The following ITGB1 variants were observed in gnomAD, a reference collection of about 807,000 sequenced individuals.
The protein encoded by ITGB1 is integrin beta-1.
Under a neutral mutation model 86.5 loss-of-function variants are expected in ITGB1, and 24 were observed. The observed-to-expected ratio is 0.28, with a 90% CI of 0.20 to 0.39. The LOEUF is 0.39. Ranked by LOEUF, ITGB1 falls within the 10% of genes least tolerant of loss-of-function variation. The pLI, the probability that ITGB1 is intolerant of heterozygous loss-of-function variation, is 1.00. For synonymous variants in ITGB1, 323 were observed against 316.8 expected (o/e 1.02, Z -0.21); for missense variants, 556 against 946.9 (o/e 0.59, Z 5.42).
At chr10:32,919,629 T>C (rs1220663287) in intron 11 of ITGB1, among the ~76,000 whole-genome samples, 3 of 152,302 alleles carry the variant, frequency 2.0e-5, no homozygotes, top group Admixed American at 6.5e-5. Flanking sequence ...CCTTAACAAT[T>C]TGTTGAATAT....
Position 32,922,631 on chromosome 10 carries a change from C to A in ITGB1, c.1038+9G>T, listed in dbSNP as rs759811597. The A allele has an allele frequency of 1.4e-6, 2 of 1,469,428 alleles. No individual in the cohort carries two copies. The highest frequency in any genetic ancestry group is 2.4e-5 in the South Asian group (2 of 84,672). 91.0% of individuals were successfully genotyped at this position (1,469,428 alleles called of 1,614,324 possible). ...TTAGAATCTTGTTCTTTTTATCTCA[C>A]ACATTTACCTTGTAAACAGGCTGAA... On this transcript the variant is annotated intron_variant, in intron 8 of 15. Transcript: ENST00000302278.
intron 3 of ITGB1, 128 bp from the exon 4 acceptor site, chr10:32,930,172 T>C: frequency 1.6e-6 from 1 of 618,924 alleles, no homozygotes; most frequent in Non-Finnish European, 2.9e-6. Context: ...AATTCTGGCT[T>C]TTAAACAAAA....
intron 1 of ITGB1, chr10:32,957,673 G>A (rs569761998): frequency 3.3e-5 from 5 of 152,356 alleles, no homozygotes; most frequent in South Asian, 2.1e-4. Flanking sequence ...CAGCTCGCGA[G>A]GGAGCGAGAG....
chr10:32,938,944 G>T (rs372891837), intron 1 of ITGB1, among the ~76,000 whole-genome samples: 1 of 152,154 alleles, frequency 6.6e-6, no homozygotes, highest in Non-Finnish European at 1.5e-5. Context: ...GAGGGCCAGG[G>T]AGCCTCGCTT....
At chr10:32,933,188 G>T (rs2094989717) in intron 2 of ITGB1, among the ~76,000 whole-genome samples, 1 of 151,912 alleles carries the variant, frequency 6.6e-6, no homozygotes, top group Non-Finnish European at 1.5e-5. Context: ...GGATCACCTT[G>T]ACACTGAAAG....
chr10:32,953,433 T>C (rs1413613792), intron 1 of ITGB1, among the ~76,000 whole-genome samples: 1 of 152,140 alleles, frequency 6.6e-6, no homozygotes, highest in Non-Finnish European at 1.5e-5. Flanking sequence ...AAATGTAATG[T>C]ACAGCCAAGC....
intron 14 of ITGB1, 111 bp downstream of exon 14, chr10:32,910,112 A>C: frequency 1.4e-6 from 1 of 734,400 alleles, no homozygotes; most frequent in Non-Finnish European, 2.3e-6. Flanking sequence ...AAATTTCCCA[A>C]CTTGACCTAA....
intron 15 of ITGB1, among the ~76,000 whole-genome samples, chr10:32,902,915 T>G (rs2094885505): frequency 6.6e-6 from 1 of 152,156 alleles, no homozygotes; most frequent in South Asian, 2.1e-4. Context: ...AAAAAGTTAT[T>G]AACTTTAAGA....
At chr10:32,952,829 A>G (rs2095045172) in intron 1 of ITGB1, among the ~76,000 whole-genome samples, 1 of 152,074 alleles carries the variant, frequency 6.6e-6, no homozygotes, top group African/African-American at 2.4e-5. Flanking sequence ...GTTCCAAAAC[A>G]GCTTTGATAG....
intron 15 of ITGB1, among the ~76,000 whole-genome samples, chr10:32,901,960 T>C (rs912214819): frequency 6.6e-6 from 1 of 152,154 alleles, no homozygotes; most frequent in South Asian, 2.1e-4. Flanking sequence ...CTGAACTAGT[T>C]TGCAATGCCT....
chr10:32,950,407 C>T (rs946130124), intron 1 of ITGB1, among the ~76,000 whole-genome samples: 4 of 152,142 alleles, frequency 2.6e-5, no homozygotes, highest in Non-Finnish European at 5.9e-5. Context: ...GGAAAGGGAA[C>T]CTTTCCCCTT....
In ITGB1 at chr10:32,920,236, AC is replaced by A. The variant is rs780867623; in HGVS notation, c.1269+8del. On this transcript the variant is annotated splice_region_variant and intron_variant, in intron 10 of 15. Transcript: ENST00000302278. ...ATGTTTTCTACAGAAAATGCTTTATACAACATACCTCATCTCCAATGGAAAT... is the reference window on the plus strand; with the variant it reads ...ATGTTTTCTACAGAAAATGCTTTATAAACATACCTCATCTCCAATGGAAAT... The A allele has an allele frequency of 1.4e-5, 22 of 1,611,748 alleles. No homozygotes were observed. The highest frequency in any genetic ancestry group is 1.8e-5 in the Non-Finnish European group (21 of 1,178,918).
chr10:32,947,792 T>G (rs2095034789), intron 1 of ITGB1, among the ~76,000 whole-genome samples: 1 of 152,318 alleles, frequency 6.6e-6, no homozygotes, highest in Admixed American at 6.5e-5. Context: ...ACTGGCAAAT[T>G]AATCTGTCTC....
At chr10:32,926,675 G>C (rs1216064789) in intron 5 of ITGB1, among the ~76,000 whole-genome samples, 1 of 152,162 alleles carries the variant, frequency 6.6e-6, no homozygotes. Flanking sequence ...GAGCTTGCAG[G>C]ACCGTAAACC....
chr10:32,903,376 G>A lies in ITGB1; in HGVS notation c.2332-1741C>T, dbSNP rs754427832. Among the ~76,000 whole-genome samples, 219 of 127,508 alleles carry A rather than the reference G, an allele frequency of 1.7e-3. 1 individual carries two copies. Among genetic ancestry groups the A allele is most frequent in the Non-Finnish European group, 3.0e-3 (166 of 54,950 alleles). The allele number at this position is 127,508 out of a possible 152,430, so 83.7% of individuals were successfully genotyped here. ...CAAAAAAAAAAAAAAAAAAAAAAGA[G>A]GAAAAAAAAGAATTAAGGGGGCATA... On this transcript the variant is annotated intron_variant, in intron 15 of 15. Coordinates refer to ENST00000302278, the MANE Select transcript of ITGB1 (RefSeq NM_002211.4).
Position 32,908,974 on chromosome 10 carries a change from A to G in ITGB1, c.2165-440T>C, listed in dbSNP as rs190329425. Among the ~76,000 whole-genome samples the G allele has an allele frequency of 2.0e-5, 3 of 152,326 alleles. No homozygotes were observed. In the East Asian group the frequency reaches 5.8e-4, roughly 29 times the overall value. Reference sequence around the variant, plus strand: ...ACGTCAATTCTTCCCAATTTGATCTATAAACTCAATGGTATCCCACTCAAA... The same window carrying G: ...ACGTCAATTCTTCCCAATTTGATCTGTAAACTCAATGGTATCCCACTCAAA... On this transcript the variant is annotated intron_variant, in intron 14 of 15. Coordinates refer to ENST00000302278, the MANE Select transcript of ITGB1 (RefSeq NM_002211.4).
intron 14 of ITGB1, 40 bp downstream of exon 14, chr10:32,910,183 C>T: frequency 2.1e-6 from 3 of 1,448,988 alleles, no homozygotes; most frequent in East Asian, 2.3e-5. Flanking sequence ...ACAAGACATA[C>T]AAGATATGAA....
chr10:32,931,985 T>C (rs980940880), intron 3 of ITGB1, among the ~76,000 whole-genome samples: 3 of 152,080 alleles, frequency 2.0e-5, no homozygotes, highest in Admixed American at 6.6e-5. Context: ...TAAGCTTATA[T>C]TGGGATGCAA....
At chr10:32,957,993 T>G (rs1305379496) in intron 1 of ITGB1, 152 bp downstream of exon 1, 1 of 140,700 alleles carries the variant, frequency 7.1e-6, no homozygotes, top group Non-Finnish European at 1.6e-5. Flanking sequence ...CCCCAACCGC[T>G]GGCGGCCGCC....
Sources: allele counts gnomAD v4.1 joint callset (sites outside exome capture counted in the v4.1 genomes callset), GRCh38; gene constraint gnomAD v4.1.1; transcripts MANE v1.5; gene names NCBI Gene and HGNC (gene_info 2026-07-23, HGNC 2026-07-21).